The following KIAA1217 variants were observed in gnomAD, a reference collection of about 807,000 sequenced individuals.
KIAA1217 encodes the protein sickle tail protein homolog.
KIAA1217 carries 88 observed loss-of-function variants against 163.9 expected under a neutral mutation model. That is an observed-to-expected ratio of 0.54 (90% CI 0.45 to 0.64). The LOEUF (loss-of-function observed/expected upper bound fraction) is 0.64. Among genes scored for constraint, KIAA1217 ranks in the 30% least tolerant of loss-of-function variants. The pLI, the probability that KIAA1217 is intolerant of heterozygous loss-of-function variation, is 0.00. For missense variants in KIAA1217, 2,372 were observed against 2,475.0 expected (o/e 0.96, Z 0.88); for synonymous variants, 903 against 923.1 (o/e 0.98, Z 0.39).
At chr10:24,189,432 T>G (rs961892372) in intron 2 of KIAA1217, among the ~76,000 whole-genome samples, 1 of 152,112 alleles carries the variant, frequency 6.6e-6, no homozygotes, top group African/African-American at 2.4e-5. Context: ...TTCCCACAAT[T>G]AATACAATAA....
chr10:23,824,631 GAAA>G (rs1216051100), intron 1 of KIAA1217, among the ~76,000 whole-genome samples: 132 of 11,368 alleles, frequency 0.012, 2 homozygotes, highest in African/African-American at 0.02. Context: ...TCTGTCTCAA[GAAA>G]AAAAAAAAAA....
chr10:24,076,592 T>C (rs1589409300), intron 2 of KIAA1217, among the ~76,000 whole-genome samples: 1 of 152,254 alleles, frequency 6.6e-6, no homozygotes, highest in African/African-American at 2.4e-5. Context: ...CCATTTATGA[T>C]GAGGAAACCA....
chr10:24,280,955 C>T (rs1280814285), intron 2 of KIAA1217, among the ~76,000 whole-genome samples: 1 of 152,114 alleles, frequency 6.6e-6, no homozygotes, highest in African/African-American at 2.4e-5. Flanking sequence ...ATGTGAAGGT[C>T]AGTATTCCAT....
intron 1 of KIAA1217, among the ~76,000 whole-genome samples, chr10:23,881,917 G>A (rs1199468113): frequency 2.6e-5 from 4 of 151,876 alleles, no homozygotes; most frequent in Non-Finnish European, 5.9e-5. Context: ...GATGTCTGAT[G>A]CCAGAGCCCA....
At chr10:23,862,297 A>C (rs915405712) in intron 1 of KIAA1217, among the ~76,000 whole-genome samples, 3 of 152,168 alleles carry the variant, frequency 2.0e-5, no homozygotes, top group African/African-American at 7.2e-5. Context: ...TGGAATTTTA[A>C]TGCACAGATT....
At chr10:23,739,937 G>T (rs185933463) in intron 1 of KIAA1217, among the ~76,000 whole-genome samples, 8 of 152,236 alleles carry the variant, frequency 5.3e-5, no homozygotes, top group Admixed American at 3.9e-4. Context: ...GAAGAGTTAC[G>T]GATAAGTCCA....
At chr10:23,769,328 G>A (rs1834693556) in intron 1 of KIAA1217, among the ~76,000 whole-genome samples, 1 of 152,078 alleles carries the variant, frequency 6.6e-6, no homozygotes, top group African/African-American at 2.4e-5. Context: ...TTATGTGCAG[G>A]GTATGCAAAA....
chr10:24,034,180 C>A (rs1848298934), intron 2 of KIAA1217, among the ~76,000 whole-genome samples: 3 of 152,158 alleles, frequency 2.0e-5, no homozygotes, highest in Admixed American at 2.0e-4. Context: ...ACACCTTTTT[C>A]AAAGTGATTT....
chr10:23,882,962 A>G (rs1005782674), intron 1 of KIAA1217, among the ~76,000 whole-genome samples: 1 of 151,952 alleles, frequency 6.6e-6, no homozygotes, highest in Admixed American at 6.6e-5. Context: ...GGGAGAGTTT[A>G]CATCTTTAGG....
chr10:23,866,333 A>C (rs1840183949), intron 1 of KIAA1217, among the ~76,000 whole-genome samples: 1 of 152,190 alleles, frequency 6.6e-6, no homozygotes, highest in Admixed American at 6.5e-5. Context: ...TGTTATGTCT[A>C]GATGATTCTA....
In KIAA1217 at chr10:23,695,648, G is replaced by A. The variant is rs1835983335; in HGVS notation, c.-321+414G>A. 6.6e-6 allele frequency among the ~76,000 whole-genome samples: 1 copy of A among 152,172 alleles called. No homozygotes were observed. Among genetic ancestry groups the A allele is most frequent in the South Asian group, 2.1e-4 (1 of 4,834 alleles). On this transcript the variant is annotated intron_variant, in intron 1 of 18. Coordinates refer to the KIAA1217 transcript ENST00000376462. The surrounding 1 kb of genome is among the most constrained non-coding windows in gnomAD (Gnocchi z 4.9). ...GTTTTTCACTCGGGGCTGCGAAGAG[G>A]GCATTGCTCTTTCTGATGGCTGGAA...
chr10:23,849,289 G>A (rs1318272549), intron 1 of KIAA1217, among the ~76,000 whole-genome samples: 4 of 151,982 alleles, frequency 2.6e-5, no homozygotes, highest in Non-Finnish European at 5.9e-5. Flanking sequence ...TATTTTCTGG[G>A]AACCAGTTTT....
At chr10:23,737,224 G>A (rs539888550) in intron 1 of KIAA1217, among the ~76,000 whole-genome samples, 4 of 151,960 alleles carry the variant, frequency 2.6e-5, no homozygotes, top group South Asian at 4.2e-4. Context: ...TTTTTGAGAC[G>A]GAGTCTCGCT....
chr10:23,858,851 C>A (rs954326416), intron 1 of KIAA1217, among the ~76,000 whole-genome samples: 1 of 152,136 alleles, frequency 6.6e-6, no homozygotes, highest in Non-Finnish European at 1.5e-5. Context: ...AGAAAACTCT[C>A]CATCTTATGA....
chr10:24,405,082 G>A (rs774039275), intron 3 of KIAA1217, among the ~76,000 whole-genome samples: 6 of 152,130 alleles, frequency 3.9e-5, no homozygotes, highest in Non-Finnish European at 7.3e-5. Context: ...AGCTATACAT[G>A]TGATAAAATC....
intron 1 of KIAA1217, among the ~76,000 whole-genome samples, chr10:23,963,550 A>G (rs971806254): frequency 5.9e-5 from 9 of 152,148 alleles, no homozygotes; most frequent in South Asian, 2.1e-4. Flanking sequence ...AGACTTTGCT[A>G]TTGTGAACAG....
At chr10:24,515,215 A>C (rs370646481) in intron 10 of KIAA1217, among the ~76,000 whole-genome samples, 172 of 151,682 alleles carry the variant, frequency 1.1e-3, no homozygotes, top group African/African-American at 3.9e-3. Flanking sequence ...TTACAGGTGC[A>C]CACCATGATG....
intron 1 of KIAA1217, among the ~76,000 whole-genome samples, chr10:23,869,833 T>C (rs1447063198): frequency 2.6e-5 from 4 of 152,146 alleles, no homozygotes; most frequent in African/African-American, 7.2e-5. Context: ...CCTGGGTATT[T>C]GTCTTGCTTC....
intron 2 of KIAA1217, among the ~76,000 whole-genome samples, chr10:24,145,529 G>A (rs559439609): frequency 6.6e-6 from 1 of 152,344 alleles, no homozygotes; most frequent in Admixed American, 6.5e-5. Flanking sequence ...GGGTTCTCTA[G>A]AGGGACAGAA....
Sources: gnomAD v4.1 joint callset for allele counts (sites outside exome capture counted in the v4.1 genomes callset) on GRCh38, gnomAD v4.1.1 for gene constraint, Gnocchi (gnomAD v3.1) non-coding constraint, MANE v1.5 for transcripts, NCBI Gene and HGNC (gene_info 2026-07-23, HGNC 2026-07-21) for gene names.